Variants in AUTS2 observed in about 807,000 individuals in gnomAD.
AUTS2 encodes autism susceptibility gene 2 protein.
In AUTS2, 17 loss-of-function variants were observed where a neutral mutation model predicts 112.4. The ratio of observed to expected loss-of-function variants is 0.15; its 90% CI spans 0.10 to 0.23. AUTS2 has a LOEUF of 0.23. Ranked by LOEUF, AUTS2 falls within the 10% of genes least tolerant of loss-of-function variation. The pLI is 1.00. For missense variants in AUTS2, 1,510 were observed against 1,701.6 expected (o/e 0.89, Z 1.98); for synonymous variants, 751 against 702.7 (o/e 1.07, Z -1.09).
At chr7:69,711,293 C>T (rs1032899773) in intron 1 of AUTS2, among the ~76,000 whole-genome samples, 6 of 152,076 alleles carry the variant, frequency 3.9e-5, no homozygotes, top group Non-Finnish European at 7.3e-5. Flanking sequence ...TGGGTAGGAA[C>T]AGGGCTTCAT....
chr7:70,353,957 C>T (rs778099099), intron 4 of AUTS2, among the ~76,000 whole-genome samples: 1 of 152,212 alleles, frequency 6.6e-6, no homozygotes, highest in Non-Finnish European at 1.5e-5. Context: ...TTAAATGCCA[C>T]CGGTTTTTAA....
At chr7:69,806,653 ACT>A (rs1195353744) in intron 1 of AUTS2, among the ~76,000 whole-genome samples, 3 of 152,070 alleles carry the variant, frequency 2.0e-5, no homozygotes, top group Admixed American at 2.0e-4. Flanking sequence ...GATGAGCTAG[ACT>A]CTGTTACCCT....
At chr7:69,850,398 CAAAAAAAAAAAAAAAAA>C (rs60553891) in intron 1 of AUTS2, among the ~76,000 whole-genome samples, 37 of 34,678 alleles carry the variant, frequency 1.1e-3, no homozygotes, top group East Asian at 8.2e-3. Flanking sequence ...AACTCTGTCT[CAAAAAAAAAAAAAAAAA>C]AAAAAAAAAA....
chr7:69,923,532 G>T (rs997442396), intron 2 of AUTS2, among the ~76,000 whole-genome samples: 1 of 152,150 alleles, frequency 6.6e-6, no homozygotes, highest in East Asian at 1.9e-4. Context: ...TATATTGATC[G>T]TGTGATCAAT....
chr7:70,000,913 G>A (rs1373226007), intron 2 of AUTS2, among the ~76,000 whole-genome samples: 2 of 152,104 alleles, frequency 1.3e-5, no homozygotes, highest in Non-Finnish European at 2.9e-5. Context: ...CCCATTGGCC[G>A]GGGCACCAAT....
At chr7:70,123,965 G>A (rs1050208082) in intron 3 of AUTS2, among the ~76,000 whole-genome samples, 17 of 152,074 alleles carry the variant, frequency 1.1e-4, no homozygotes, top group Admixed American at 5.9e-4. Context: ...CACTCCCACC[G>A]ATAGTTTATA....
chr7:70,560,872 A>G (rs565116998), intron 5 of AUTS2, among the ~76,000 whole-genome samples: 1 of 152,250 alleles, frequency 6.6e-6, no homozygotes, highest in Non-Finnish European at 1.5e-5. Flanking sequence ...ATTTGATTAC[A>G]TTCTTGAAAG....
intron 5 of AUTS2, among the ~76,000 whole-genome samples, chr7:70,493,460 C>G (rs763375704): frequency 1.3e-4 from 20 of 152,018 alleles, no homozygotes; most frequent in Admixed American, 2.0e-4. Context: ...TGTCAGAGAG[C>G]CTTCTTAATT....
chr7:70,784,886 G>T, intron 15 of AUTS2, 56 bp from the exon 16 acceptor site: 1 of 1,529,384 alleles, frequency 6.5e-7, no homozygotes, highest in Non-Finnish European at 9.1e-7. Flanking sequence ...GAAGCCGGTT[G>T]CATCTTCGAA....
chr7:69,871,153 CT>C (rs755618664), intron 1 of AUTS2, among the ~76,000 whole-genome samples: 24 of 152,154 alleles, frequency 1.6e-4, no homozygotes, highest in Non-Finnish European at 2.9e-4. Context: ...CTGTCTTTCC[CT>C]TTCCTCCTGT....
intron 4 of AUTS2, among the ~76,000 whole-genome samples, chr7:70,171,908 G>C (rs540587699): frequency 8.6e-5 from 13 of 151,274 alleles, no homozygotes; most frequent in African/African-American, 1.2e-4. Flanking sequence ...TTTTTTTTGG[G>C]GGGGGGTAGT....
intron 4 of AUTS2, among the ~76,000 whole-genome samples, chr7:70,158,756 T>G (rs1259571634): frequency 6.6e-6 from 1 of 151,822 alleles, no homozygotes; most frequent in Non-Finnish European, 1.5e-5. Context: ...AAAAATGCGG[T>G]TATTAGGACA....
At chr7:69,971,823 A>G (rs1414519454) in intron 2 of AUTS2, among the ~76,000 whole-genome samples, 1 of 152,174 alleles carries the variant, frequency 6.6e-6, no homozygotes, top group Non-Finnish European at 1.5e-5. Flanking sequence ...GGTGTACCAT[A>G]GTTTATTTAA....
Position 70,586,763 on chromosome 7 carries a change from A to G in AUTS2, c.691-111806A>G, listed in dbSNP as rs983078943. ...TGCTGTTCAATCCCATTCAGTTTGCAGGTTAACATTTACTGTTCCTGTCCT... is the reference window on the plus strand; with the variant it reads ...TGCTGTTCAATCCCATTCAGTTTGCGGGTTAACATTTACTGTTCCTGTCCT... On this transcript the variant is annotated intron_variant, in intron 5 of 18. Transcript: ENST00000342771. 2.0e-5 allele frequency among the ~76,000 whole-genome samples: 3 copies of G among 152,162 alleles called. No individual in the cohort carries two copies. The East Asian group carries it at 5.8e-4, about 29-fold the overall frequency.
chr7:70,725,881 C>T (rs1427404866), intron 6 of AUTS2, among the ~76,000 whole-genome samples: 2 of 151,780 alleles, frequency 1.3e-5, no homozygotes, highest in East Asian at 1.9e-4. Flanking sequence ...TTGAGACCAG[C>T]GTGGGTGGTG....
intron 5 of AUTS2, among the ~76,000 whole-genome samples, chr7:70,623,768 T>C (rs1017252346): frequency 9.9e-5 from 15 of 152,232 alleles, no homozygotes; most frequent in Non-Finnish European, 1.5e-5. Flanking sequence ...CCAAGAATGC[T>C]GGCCAGGCTT....
intron 5 of AUTS2, among the ~76,000 whole-genome samples, chr7:70,473,498 A>G (rs921513298): frequency 1.3e-5 from 2 of 152,168 alleles, no homozygotes; most frequent in Non-Finnish European, 2.9e-5. Flanking sequence ...CAAGGGCATC[A>G]TGATGAGGTG....
chr7:69,686,533 G>C (rs775243179), intron 1 of AUTS2, among the ~76,000 whole-genome samples: 37 of 152,246 alleles, frequency 2.4e-4, no homozygotes, highest in South Asian at 1.5e-3. Flanking sequence ...CAATTTCCAA[G>C]GAGTCATAAG....
At chr7:69,664,827 A>G (rs961458010) in intron 1 of AUTS2, among the ~76,000 whole-genome samples, 1 of 152,190 alleles carries the variant, frequency 6.6e-6, no homozygotes, top group East Asian at 1.9e-4. Flanking sequence ...CTGGCTTCAT[A>G]GTAGTGTTGG....
Sources: allele counts gnomAD v4.1 joint callset (sites outside exome capture counted in the v4.1 genomes callset), GRCh38; gene constraint gnomAD v4.1.1; transcripts MANE v1.5; gene names NCBI Gene and HGNC (gene_info 2026-07-23, HGNC 2026-07-21).